The following EEF2 variants were observed in gnomAD, a reference collection of about 807,000 sequenced individuals.
EEF2 encodes elongation factor 2.
In EEF2, 21 loss-of-function variants were observed where a neutral mutation model predicts 85.3. The ratio of observed to expected loss-of-function variants is 0.25; its 90% CI spans 0.17 to 0.35. The LOEUF is 0.35. Among genes scored for constraint, EEF2 ranks in the 10% least tolerant of loss-of-function variants. The pLI, the probability that EEF2 is intolerant of heterozygous loss-of-function variation, is 1.00. For synonymous variants in EEF2, 723 were observed against 508.8 expected, an observed-to-expected ratio of 1.42 and a Z score of -5.67; for missense variants, 825 against 1,225.3, an observed-to-expected ratio of 0.67 and a Z score of 4.88.
chr19:3,980,727 C>A lies in EEF2; in HGVS notation c.1151-18G>T. Reference sequence around the variant, plus strand: ...TTTAATGCCTGAGGGACAGAGAAAACCCGCAAGCTTTATTCCAGTGCAGCT... The same window carrying A: ...TTTAATGCCTGAGGGACAGAGAAAAACCGCAAGCTTTATTCCAGTGCAGCT... On this transcript the variant is annotated intron_variant, in intron 8 of 14. Transcript: ENST00000309311. The A allele has an allele frequency of 6.2e-7, 1 of 1,609,940 alleles. No individual in the cohort carries two copies. Among genetic ancestry groups the A allele is most frequent in the Non-Finnish European group, 8.5e-7 (1 of 1,176,966 alleles).
At position 3,977,088 on chromosome 19, in the gene EEF2, CCACCTGCTCCATCCAT is replaced by C. The variant is rs1490304093; in HGVS notation, c.2383+111_2383+126del. The C allele has an allele frequency of 2.4e-5, 33 of 1,372,664 alleles. No homozygotes were observed. Among genetic ancestry groups the C allele is most frequent in the Non-Finnish European group, 2.7e-5 (28 of 1,020,752 alleles). 85.0% of individuals were successfully genotyped at this position (1,372,664 alleles called of 1,614,324 possible). A position where few individuals can be genotyped will look rare whatever the true frequency, so the allele number is the denominator to read the frequency against. Reference sequence around the variant, plus strand: ...GGTCCACAAGCTGTCAGAAACTGGACCACCTGCTCCATCCATCACCTGCTCCCATCAGGACGCCTCC... The same window carrying C: ...GGTCCACAAGCTGTCAGAAACTGGACCACCTGCTCCCATCAGGACGCCTCC... On this transcript the variant is annotated intron_variant, in intron 14 of 14. Coordinates refer to ENST00000309311, the MANE Select transcript of EEF2 (RefSeq NM_001961.4). This position sits in a 1 kb window ranked among gnomAD's most constrained non-coding sequence, Gnocchi z 5.4.
chr19:3,979,270 A>T (rs1438086846), intron 11 of EEF2, 59 bp downstream of exon 11: 3 of 1,394,508 alleles, frequency 2.2e-6, no homozygotes, highest in Non-Finnish European at 2.0e-6. Flanking sequence ...GCTCAGCTTT[A>T]AAGCAGAGGG....
At position 3,982,662 on chromosome 19, in the gene EEF2, A is replaced by AT; in HGVS notation, c.612+144dup. ...AAGATCAAGGGCTGGGTCAAGTCGGATGAAAACATTCCAGCCCCCTTCTCT... is the reference window on the plus strand; with the variant it reads ...AAGATCAAGGGCTGGGTCAAGTCGGATTGAAAACATTCCAGCCCCCTTCTCT... On this transcript the variant is annotated intron_variant, in intron 4 of 14. Transcript: ENST00000309311. 3 of 1,130,694 alleles carry AT rather than the reference A, an allele frequency of 2.7e-6. No homozygotes were observed. The Admixed American group carries it at 6.0e-5, about 23-fold the overall frequency. 70.0% of individuals were successfully genotyped at this position (1,130,694 alleles called of 1,614,324 possible).
intron 1 of EEF2, chr19:3,985,058 C>A (rs1158893162): frequency 8.3e-6 from 3 of 361,036 alleles, no homozygotes; most frequent in African/African-American, 6.3e-5. Context: ...AAGGCGCCTC[C>A]CTGTCTCCCC....
intron 11 of EEF2, 62 bp from the exon 12 acceptor site, chr19:3,978,234 C>A (rs2039701104): frequency 7.2e-7 from 1 of 1,379,848 alleles, no homozygotes. Flanking sequence ...CACACAGACG[C>A]ATCCTTAAAA....
Position 3,984,117 on chromosome 19 carries a change from G to A in EEF2, c.218+19C>T. On this transcript the variant is annotated intron_variant, in intron 2 of 14. Coordinates refer to ENST00000309311, the MANE Select transcript of EEF2 (RefSeq NM_001961.4). ...GCCAGCACCTCCCTGCCTGGGTACAGAGGGCACAGGGAGCTCACGTTGACT... is the reference window on the plus strand; with the variant it reads ...GCCAGCACCTCCCTGCCTGGGTACAAAGGGCACAGGGAGCTCACGTTGACT... The A allele has an allele frequency of 4.3e-6, 7 of 1,611,594 alleles. No homozygotes were observed. Among genetic ancestry groups the A allele is most frequent in the Non-Finnish European group, 5.9e-6 (7 of 1,178,364 alleles).
Position 3,977,580 on chromosome 19 carries a change from C to T in EEF2, c.2098G>A (p.Val700Met). Residue 700 changes from valine (V) to methionine (M), a missense_variant, in exon 13 of 15, where the codon GTG (valine) becomes ATG (methionine). Val to Met is a conservative substitution (Grantham distance 21). Coordinates refer to ENST00000309311, the MANE Select transcript of EEF2 (RefSeq NM_001961.4). The surrounding 1 kb of genome is among the most constrained non-coding windows in gnomAD (Gnocchi z 5.4). ...GTGACGTCGTGGACGTCGAAGCGCA[C>T]ACCCCGCATGTTCTCCTCACACAGT... is the stretch of plus-strand genomic sequence containing the variant. ...GALCEENMRG[V>M]RFDVHDVTLH... 1 of 1,558,090 alleles carries T rather than the reference C, an allele frequency of 6.4e-7. No homozygotes were observed. The highest frequency in any genetic ancestry group is 8.6e-7 in the Non-Finnish European group (1 of 1,158,300).
At chr19:3,982,751 C>T (rs1345338383) in intron 4 of EEF2, 56 bp downstream of exon 4, 29 of 1,551,434 alleles carry the variant, frequency 1.9e-5, no homozygotes, top group Middle Eastern at 1.7e-4. Context: ...CACTCCCCAC[C>T]GGCTCCTGCA....
chr19:3,982,431 G>C lies in EEF2; in HGVS notation c.613-7C>G, dbSNP rs1176364992. ...TACCGAGGACAGGATCGATCTGGAAGTGTGAGAAACGAGAAGCAGCCGTGA... is the reference window on the plus strand; with the variant it reads ...TACCGAGGACAGGATCGATCTGGAACTGTGAGAAACGAGAAGCAGCCGTGA... On this transcript the variant is annotated splice_region_variant and splice_polypyrimidine_tract_variant and intron_variant, in intron 4 of 14. Coordinates refer to ENST00000309311, the MANE Select transcript of EEF2 (RefSeq NM_001961.4). The C allele has an allele frequency of 1.2e-6, 2 of 1,613,894 alleles. No individual in the cohort carries two copies. The highest frequency in any genetic ancestry group is 1.3e-5 in the African/African-American group (1 of 74,952).
intron 9 of EEF2, 119 bp from the exon 10 acceptor site, chr19:3,980,185 G>A: frequency 7.1e-7 from 1 of 1,413,958 alleles, no homozygotes; most frequent in Non-Finnish European, 9.4e-7. Flanking sequence ...GCAGACTGGT[G>A]GCTTCCACAA....
chr19:3,985,323 G>C, intron 1 of EEF2, 55 bp downstream of exon 1: 1 of 1,414,878 alleles, frequency 7.1e-7, no homozygotes, highest in Non-Finnish European at 9.3e-7. Flanking sequence ...GGCAGCGTAG[G>C]CCCCGCGGAG....
Position 3,985,438 on chromosome 19 carries a change from GGATGGCGGCGACGA to G in EEF2, c.-72_-59del. ...AACCGAAAGAAGCGAGTCGCGCCGA[GGATGGCGGCGACGA>G]CGGCGGAAGAGAACGCTGACGTCAA... On this transcript the variant is annotated 5_prime_UTR_variant, in exon 1 of 15. Transcript: ENST00000309311. 1 of 1,450,442 alleles carries G rather than the reference GGATGGCGGCGACGA, an allele frequency of 6.9e-7. No homozygotes were observed. Among genetic ancestry groups the G allele is most frequent in the Non-Finnish European group, 9.1e-7 (1 of 1,095,776 alleles). The allele number at this position is 1,450,442 out of a possible 1,614,324, so 89.8% of individuals were successfully genotyped here. A position where few individuals can be genotyped will look rare whatever the true frequency, so the allele number is the denominator to read the frequency against.
In EEF2 at chr19:3,982,968, T is replaced by C. The variant is rs1474685941; in HGVS notation, c.451A>G (p.Ile151Val). The part of the protein sequence containing the change: ...TVLRQAIAER[I>V]KPVLMMNKMD... Reference sequence around the variant, plus strand: ...TTGTTCATCATCAGCACAGGCTTGATGCGCTCGGCAATGGCCTGCCGCAGC... The same window carrying C: ...TTGTTCATCATCAGCACAGGCTTGACGCGCTCGGCAATGGCCTGCCGCAGC... Residue 151 changes from isoleucine to valine, a missense_variant, in exon 4 of 15, where the codon ATC (isoleucine) becomes GTC (valine). Physicochemically the swap from Ile to Val is conservative, Grantham distance 29. Coordinates refer to ENST00000309311, the MANE Select transcript of EEF2 (RefSeq NM_001961.4). 2 of 1,612,770 alleles carry C rather than the reference T, an allele frequency of 1.2e-6. No individual in the cohort carries two copies. Among genetic ancestry groups the C allele is most frequent in the South Asian group, 1.1e-5 (1 of 91,068 alleles).
Position 3,977,898 on chromosome 19 carries a change from G to T in EEF2, c.1988C>A (p.Thr663Asn). The T allele has an allele frequency of 6.2e-7, 1 of 1,613,694 alleles. No individual in the cohort carries two copies. The highest frequency in any genetic ancestry group is 1.3e-5 in the African/African-American group (1 of 75,068). ...GPDGTGPNIL[T>N]DITKGVQYLN... ...GTACTGCACACCCTTGGTGATGTCG[G>T]TGAGGATGTTGGGGCCGGTGCCGTC... Residue 663 changes from threonine (T) to asparagine (N), a missense_variant, in exon 12 of 15, where the codon ACC (threonine) becomes AAC (asparagine). By Grantham distance (65) the Thr-to-Asn change is moderately conservative. Coordinates refer to ENST00000309311, the MANE Select transcript of EEF2 (RefSeq NM_001961.4). This position sits in a 1 kb window ranked among gnomAD's most constrained non-coding sequence, Gnocchi z 5.4.
chr19:3,984,067 T>G (rs988541092), intron 2 of EEF2, 69 bp downstream of exon 2: 2 of 1,568,140 alleles, frequency 1.3e-6, no homozygotes, highest in Non-Finnish European at 1.7e-6. Flanking sequence ...CCGCGCACCC[T>G]GGCCCAGTGG....
In EEF2 at chr19:3,979,823, G is replaced by A. The variant is rs758938758; in HGVS notation, c.1590C>T (p.Ser530=). ...LVEGLKRLAK[S]DPMVQCIIEE... is the part of the protein sequence containing the mutation. ...CCGTGCCCACCTGCACCATGGGGTC[G>A]GACTTGGCCAGCCGCTTCAGCCCCT... Residue 530 remains serine (S), a synonymous_variant, in exon 10 of 15, where the codon TCC becomes TCT. Transcript: ENST00000309311. The A allele has an allele frequency of 3.0e-5, 48 of 1,612,894 alleles. No homozygotes were observed. The highest frequency in any genetic ancestry group is 6.7e-5 in the African/African-American group (5 of 74,946).
intron 9 of EEF2, 35 bp from the exon 10 acceptor site, chr19:3,980,101 G>A (rs374865152): frequency 1.3e-6 from 2 of 1,599,226 alleles, no homozygotes; most frequent in Non-Finnish European, 8.5e-7. Flanking sequence ...AGGCCGCAGG[G>A]ATGGTTGTGC....
chr19:3,985,369 G>A lies in EEF2; in HGVS notation c.3+9C>T, dbSNP rs756229330. ...CGCTCCGGGGCACCAGCGAGGCAGG[G>A]TTACTCACCATGGTGGCGGATGGCG... On this transcript the variant is annotated intron_variant, in intron 1 of 14. Coordinates refer to ENST00000309311, the MANE Select transcript of EEF2 (RefSeq NM_001961.4). The A allele has an allele frequency of 9.3e-6, 14 of 1,504,476 alleles. No individual in the cohort carries two copies. The highest frequency in any genetic ancestry group is 4.3e-5 in the African/African-American group (3 of 70,074). The allele number at this position is 1,504,476 out of a possible 1,614,324, so 93.2% of individuals were successfully genotyped here.
At chr19:3,982,525 T>C (rs1245477830) in intron 4 of EEF2, 101 bp from the exon 5 acceptor site, 4 of 1,432,496 alleles carry the variant, frequency 2.8e-6, no homozygotes, top group Non-Finnish European at 3.9e-6. Flanking sequence ...GCAGGCTTTC[T>C]TCAGTAGACA....
Sources: allele counts gnomAD v4.1 joint callset, GRCh38; gene constraint gnomAD v4.1.1; non-coding constraint Gnocchi (gnomAD v3.1); transcripts MANE v1.5; gene names NCBI Gene and HGNC (gene_info 2026-07-23, HGNC 2026-07-21).